The following NRXN1 variants were observed in gnomAD, a reference collection of about 807,000 sequenced individuals.
NRXN1 encodes neurexin-1.
NRXN1 carries 39 observed loss-of-function variants against 150.9 expected under a neutral mutation model. The observed-to-expected ratio is 0.26, with a 90% confidence interval of 0.20 to 0.34. NRXN1 has a LOEUF of 0.34. Among genes scored for constraint, NRXN1 ranks in the 10% least tolerant of loss-of-function variants. The pLI is 1.00. For synonymous variants in NRXN1, 924 were observed against 757.0 expected (o/e 1.22, Z -3.62); for missense variants, 1,815 against 1,949.9 (o/e 0.93, Z 1.30).
At chr2:50,608,420 A>G in intron 8 of NRXN1, among the ~76,000 whole-genome samples, 1 of 152,158 alleles carries the variant, frequency 6.6e-6, no homozygotes, top group East Asian at 1.9e-4. Flanking sequence ...TAGGTGATGC[A>G]CATGCTGCTG....
chr2:49,982,739 G>C (rs542889992), intron 21 of NRXN1, among the ~76,000 whole-genome samples: 1 of 151,982 alleles, frequency 6.6e-6, no homozygotes, highest in Non-Finnish European at 1.5e-5. Context: ...TACCTATTCT[G>C]TGTTTTTTAG....
intron 5 of NRXN1, among the ~76,000 whole-genome samples, chr2:50,730,849 A>G (rs1425319651): frequency 6.6e-6 from 1 of 151,364 alleles, no homozygotes; most frequent in Admixed American, 6.6e-5. Flanking sequence ...ATTTTTTTGT[A>G]TTTTTAGTAG....
In NRXN1 at chr2:50,118,856, T is replaced by A. The variant is rs1013662101; in HGVS notation, c.3547-27362A>T. Among the ~76,000 whole-genome samples the A allele has an allele frequency of 2.6e-5, 4 of 152,282 alleles. No homozygotes were observed. In the South Asian group the frequency reaches 6.2e-4, roughly 24 times the overall value. ...TCTTCTAACATAAGTCTGGAATACATTTTAATTCACCAGCAGGAAGGATTT... is the reference window on the plus strand; with the variant it reads ...TCTTCTAACATAAGTCTGGAATACAATTTAATTCACCAGCAGGAAGGATTT... On this transcript the variant is annotated intron_variant, in intron 18 of 22. Transcript: ENST00000401669.
chr2:50,270,333 T>C (rs1013774093), intron 17 of NRXN1, among the ~76,000 whole-genome samples: 2 of 152,192 alleles, frequency 1.3e-5, no homozygotes, highest in Non-Finnish European at 2.9e-5. Flanking sequence ...GAAACTTTAA[T>C]AATTATAGAT....
rs142622517 is a variant in NRXN1 at position 50,590,172 on chromosome 2, A to G, written c.1320+29850T>C. On this transcript the variant is annotated intron_variant, in intron 8 of 22. Coordinates refer to ENST00000401669, the MANE Select transcript of NRXN1 (RefSeq NM_001330078.2). ...AGCATTTTTAGAGTTTTAAAAAATCATTTACTTACATGCAGTTTTAAATCA... is the reference window on the plus strand; with the variant it reads ...AGCATTTTTAGAGTTTTAAAAAATCGTTTACTTACATGCAGTTTTAAATCA... Among the ~76,000 whole-genome samples, 531 of 152,306 alleles carry G rather than the reference A, an allele frequency of 3.5e-3. 6 individuals are homozygous for G. The highest frequency in any genetic ancestry group is 0.012 in the African/African-American group (517 of 41,572).
At chr2:50,905,162 T>C (rs1277423544) in intron 5 of NRXN1, among the ~76,000 whole-genome samples, 1 of 152,208 alleles carries the variant, frequency 6.6e-6, no homozygotes, top group East Asian at 1.9e-4. Context: ...CCTCTTAGCT[T>C]ATTCACCTTC....
At chr2:50,649,693 T>C (rs1042364898) in intron 5 of NRXN1, among the ~76,000 whole-genome samples, 3 of 152,100 alleles carry the variant, frequency 2.0e-5, no homozygotes, top group Admixed American at 6.6e-5. Context: ...GAAGATTAAG[T>C]GAAATCGGAG....
chr2:50,136,324 A>G (rs1160239901), intron 18 of NRXN1, among the ~76,000 whole-genome samples: 1 of 152,220 alleles, frequency 6.6e-6, no homozygotes, highest in East Asian at 1.9e-4. Context: ...CAAACCAAGG[A>G]ACAAGTTCAT....
At chr2:50,861,861 G>C (rs916787330) in intron 5 of NRXN1, among the ~76,000 whole-genome samples, 16 of 152,012 alleles carry the variant, frequency 1.1e-4, no homozygotes, top group Non-Finnish European at 2.1e-4. Flanking sequence ...TGTATTAATA[G>C]ATTGTTTAGT....
At chr2:50,626,091 A>T (rs1680981622) in intron 5 of NRXN1, among the ~76,000 whole-genome samples, 1 of 152,062 alleles carries the variant, frequency 6.6e-6, no homozygotes, top group African/African-American at 2.4e-5. Context: ...AAATCATGTG[A>T]TATAAGCAAA....
intron 18 of NRXN1, among the ~76,000 whole-genome samples, chr2:50,122,701 A>C (rs768522160): frequency 6.6e-6 from 1 of 152,178 alleles, no homozygotes; most frequent in Admixed American, 6.5e-5. Context: ...CCATTAACAC[A>C]TGTTCCTTGA....
chr2:50,739,991 A>G (rs1318608543), intron 5 of NRXN1, among the ~76,000 whole-genome samples: 1 of 152,144 alleles, frequency 6.6e-6, no homozygotes, highest in East Asian at 1.9e-4. Context: ...TGATTTCTCT[A>G]AGCTCCTTAG....
chr2:51,028,167 G>T lies in NRXN1; in HGVS notation c.107C>A (p.Ala36Asp). 6.6e-7 allele frequency: 1 copy of T among 1,518,662 alleles called. No individual in the cohort carries two copies. The allele number at this position is 1,518,662 out of a possible 1,614,324, so 94.1% of individuals were successfully genotyped here. A position where few individuals can be genotyped will look rare whatever the true frequency, so the allele number is the denominator to read the frequency against. ...GGGGAAGCGCGTCCATTGGCCCTCG[G>T]CGCCCGGAAACTCCAGCCCGCTGCC... The part of the protein sequence containing the change: ...ELGSGLEFPG[A>D]EGQWTRFPKW... Residue 36 changes from alanine (A) to aspartate (D), a missense_variant, in exon 2 of 23, where the codon GCC becomes GAC. Physicochemically the swap from Ala to Asp is moderately radical, Grantham distance 126. Transcript: ENST00000401669.
At chr2:50,126,698 T>A (rs1364846773) in intron 18 of NRXN1, among the ~76,000 whole-genome samples, 2 of 151,994 alleles carry the variant, frequency 1.3e-5, no homozygotes, top group Admixed American at 1.3e-4. Context: ...TCATTAACAT[T>A]AACAGAAACT....
At chr2:50,095,391 G>A (rs1027579202) in intron 18 of NRXN1, among the ~76,000 whole-genome samples, 2 of 152,086 alleles carry the variant, frequency 1.3e-5, no homozygotes, top group African/African-American at 4.8e-5. Flanking sequence ...GTTGCCCATT[G>A]TTTTAGGGTC....
chr2:50,690,399 G>A (rs994498063), intron 5 of NRXN1, among the ~76,000 whole-genome samples: 1 of 152,266 alleles, frequency 6.6e-6, no homozygotes. Context: ...AATTGTGATA[G>A]TCCTCTTTAT....
intron 21 of NRXN1, among the ~76,000 whole-genome samples, chr2:50,048,249 A>C (rs1446424267): frequency 1.3e-5 from 2 of 152,020 alleles, no homozygotes; most frequent in Non-Finnish European, 2.9e-5. Flanking sequence ...TTTTTCTTTG[A>C]AATATGCACT....
rs1287737240 is a variant in NRXN1, at chr2:50,334,789, G to A, written c.3365-97819C>T. Among the ~76,000 whole-genome samples, 3 of 152,208 alleles carry A rather than the reference G, an allele frequency of 2.0e-5. No homozygotes were observed. In the South Asian group the frequency reaches 6.2e-4, roughly 31 times the overall value. On this transcript the variant is annotated intron_variant, in intron 17 of 22. Coordinates refer to ENST00000401669, the MANE Select transcript of NRXN1 (RefSeq NM_001330078.2). ...ATATTTAGAAGAAAATCCAAGTTAT[G>A]TGGTTTCATAGATTAAACTTATTGC...
At chr2:49,996,016 C>T (rs1007286011) in intron 21 of NRXN1, among the ~76,000 whole-genome samples, 1 of 151,970 alleles carries the variant, frequency 6.6e-6, no homozygotes. Context: ...GAGCAGTGAT[C>T]TGCACAGGAA....
Sources: gnomAD v4.1 joint callset for allele counts (sites outside exome capture counted in the v4.1 genomes callset) on GRCh38, gnomAD v4.1.1 for gene constraint, MANE v1.5 for transcripts, NCBI Gene and HGNC (gene_info 2026-07-23, HGNC 2026-07-21) for gene names.